Variants in NUP43 observed in about 807,000 individuals in gnomAD.
NUP43 encodes the protein nucleoporin 43.
A neutral mutation model predicts 47.3 loss-of-function variants in NUP43; 32 were observed. That is an observed-to-expected ratio of 0.68 (90% CI 0.51 to 0.91). The LOEUF (loss-of-function observed/expected upper bound fraction) is 0.91, where lower values mean the gene tolerates loss of function less well. NUP43 is among the 40% of genes least tolerant of loss of function. The pLI, the probability that NUP43 is intolerant of heterozygous loss-of-function variation, is 0.00. For synonymous variants in NUP43, 147 were observed against 158.4 expected, an observed-to-expected ratio of 0.93 and a Z score of 0.54; for missense variants, 444 against 453.9, an observed-to-expected ratio of 0.98 and a Z score of 0.20.
rs1784716291 is a variant in NUP43 at position 149,724,339 on chromosome 6, A to C, written c.*2630T>G. 7.6e-6 allele frequency: 1 copy of C among 132,100 alleles called. No individual in the cohort carries two copies. The highest frequency in any genetic ancestry group is 2.4e-4 in the South Asian group (1 of 4,174). 8.2% of individuals were successfully genotyped at this position (132,100 alleles called of 1,614,324 possible). On this transcript the variant is annotated 3_prime_UTR_variant, in exon 8 of 8. Coordinates refer to ENST00000340413, the MANE Select transcript of NUP43 (RefSeq NM_198887.3). Reference sequence around the variant, plus strand: ...ATTTCAGTTCAGTATATGAAAATTCATTTATTTAGTGAAACCCTGACATTA... The same window carrying C: ...ATTTCAGTTCAGTATATGAAAATTCCTTTATTTAGTGAAACCCTGACATTA...
In NUP43 at chr6:149,731,700, G is replaced by T. The variant is rs1380162427; in HGVS notation, c.826C>A (p.His276Asn). The T allele has an allele frequency of 1.9e-6, 3 of 1,613,702 alleles. 1 individual carries two copies. Among genetic ancestry groups the T allele is most frequent in the South Asian group, 2.2e-5 (2 of 91,086 alleles). ...CCATCTTCAGAGCAGGTAAAAAGAT[G>T]TTCTGGGTTGGATGGGTGAAAGTGA... ...EVHFHPSNPEHLFTCSEDGSL... is the reference protein window; with the variant it reads ...EVHFHPSNPENLFTCSEDGSL... The change falls in exon 7 of 8, where the codon CAT (histidine) becomes AAT (asparagine). Residue 276 changes from histidine to asparagine, a missense_variant. Physicochemically the swap from His to Asn is moderately conservative, Grantham distance 68 (BLOSUM62 1). Coordinates refer to ENST00000340413, the MANE Select transcript of NUP43 (RefSeq NM_198887.3).
intron 3 of NUP43, among the ~76,000 whole-genome samples, chr6:149,743,404 T>C (rs1010993296): frequency 1.3e-5 from 2 of 151,676 alleles, no homozygotes; most frequent in Admixed American, 6.6e-5. Flanking sequence ...GAGATCAGCC[T>C]GACCAACATG....
intron 7 of NUP43, chr6:149,727,609 A>T (rs1368971887): frequency 1.2e-6 from 1 of 810,028 alleles, no homozygotes; most frequent in Non-Finnish European, 1.5e-6. Flanking sequence ...ATCATGAGAA[A>T]GAATTTCTAG....
At chr6:149,745,434 C>T (rs1252623216) in intron 2 of NUP43, among the ~76,000 whole-genome samples, 1 of 151,272 alleles carries the variant, frequency 6.6e-6, no homozygotes, top group African/African-American at 2.4e-5. Flanking sequence ...TCAATTTCAT[C>T]CCCACCACTC....
At position 149,724,872 on chromosome 6, in the gene NUP43, AGCC is replaced by A. The variant is rs1465915751; in HGVS notation, c.*2094_*2096del. 2.0e-5 allele frequency: 3 copies of A among 152,114 alleles called. No homozygotes were observed. Among genetic ancestry groups the A allele is most frequent in the Non-Finnish European group, 4.4e-5 (3 of 68,032 alleles). The allele number at this position is 152,114 out of a possible 1,614,324, so 9.4% of individuals were successfully genotyped here. A position where few individuals can be genotyped will look rare whatever the true frequency, so the allele number is the denominator to read the frequency against. ...CCAAAGTGCTAGCATTACAGGCGTG[AGCC>A]ACCATGCCTGGCCACCATATGTTTT... On this transcript the variant is annotated 3_prime_UTR_variant, in exon 8 of 8. Coordinates refer to ENST00000340413, the MANE Select transcript of NUP43 (RefSeq NM_198887.3).
At chr6:149,741,750 C>G (rs964267700) in intron 4 of NUP43, among the ~76,000 whole-genome samples, 3 of 152,168 alleles carry the variant, frequency 2.0e-5, no homozygotes, top group Non-Finnish European at 4.4e-5. Context: ...TGTGATCCGC[C>G]TGCATCACCC....
At chr6:149,741,153 G>A (rs150168865) in intron 4 of NUP43, among the ~76,000 whole-genome samples, 285 of 151,928 alleles carry the variant, frequency 1.9e-3, no homozygotes, top group African/African-American at 6.8e-3. Context: ...GCCTTGCGTT[G>A]TGTGTGCACA....
chr6:149,744,477 C>G (rs948204248), intron 2 of NUP43, among the ~76,000 whole-genome samples: 1 of 149,102 alleles, frequency 6.7e-6, no homozygotes, highest in Non-Finnish European at 1.5e-5. Context: ...GAGCCGAGAT[C>G]GAGCCACTGC....
At position 149,736,589 on chromosome 6, in the gene NUP43, A is replaced by G. The variant is rs1163510239; in HGVS notation, c.672T>C (p.Asp224=). The G allele has an allele frequency of 3.7e-6, 6 of 1,607,660 alleles. No individual in the cohort carries two copies. The highest frequency in any genetic ancestry group is 2.7e-5 in the African/African-American group (2 of 74,882). The part of the protein sequence containing the change: ...TGDRVPLHCV[D]RHPNQQHVVA... ...CAACATGCTGTTGGTTGGGATGTCT[A>G]TCAACACAGTGGAGTGGCACTCGGT... Residue 224 remains aspartate (D), a synonymous_variant, in exon 6 of 8, where the codon GAT becomes GAC. Coordinates refer to ENST00000340413, the MANE Select transcript of NUP43 (RefSeq NM_198887.3).
chr6:149,735,795 CA>C (rs1344184899), intron 6 of NUP43, among the ~76,000 whole-genome samples: 31 of 133,484 alleles, frequency 2.3e-4, no homozygotes, highest in Admixed American at 2.3e-4. Context: ...CCCATATCTA[CA>C]AAAAAAAAAA....
chr6:149,745,175 C>G (rs981816188), intron 2 of NUP43, among the ~76,000 whole-genome samples: 1 of 151,890 alleles, frequency 6.6e-6, no homozygotes, highest in African/African-American at 2.4e-5. Context: ...CCGAGGCAGG[C>G]AAATCACCAG....
chr6:149,743,892 G>A (rs1785811156), intron 2 of NUP43, among the ~76,000 whole-genome samples, 177 bp from the exon 3 acceptor site: 1 of 152,190 alleles, frequency 6.6e-6, no homozygotes, highest in Admixed American at 6.5e-5. Flanking sequence ...GCCATACAAA[G>A]TATTTTCATG....
intron 4 of NUP43, among the ~76,000 whole-genome samples, chr6:149,741,970 T>G (rs1031477001): frequency 6.6e-6 from 1 of 152,142 alleles, no homozygotes; most frequent in African/African-American, 2.4e-5. Context: ...GCGATTCTCC[T>G]GCCTCAGCCT....
At chr6:149,743,830 G>A in intron 2 of NUP43, 115 bp from the exon 3 acceptor site, 1 of 500,064 alleles carries the variant, frequency 2.0e-6, no homozygotes, top group African/African-American at 7.7e-5. Context: ...AAAGCAAAGA[G>A]CCATGAGTGC....
Position 149,746,455 on chromosome 6 carries a change from C to A in NUP43, c.41G>T (p.Ser14Ile). Residue 14 changes from serine (S) to isoleucine (I), a missense_variant, in exon 1 of 8, where the codon AGC (serine) becomes ATC (isoleucine). Coordinates refer to ENST00000340413, the MANE Select transcript of NUP43 (RefSeq NM_198887.3). ...AGGCAGCGGTCGCCAGCGGGTTTTG[C>A]TGATTTTCTGGGACACAAACTTCGC... ...IYAKFVSQKI[S>I]KTRWRPLPPG... is the part of the protein sequence containing the mutation. 1.2e-6 allele frequency: 2 copies of A among 1,614,176 alleles called. No individual in the cohort carries two copies. Among genetic ancestry groups the A allele is most frequent in the Non-Finnish European group, 1.7e-6 (2 of 1,180,036 alleles).
At chr6:149,743,294 T>C (rs1362517282) in intron 3 of NUP43, among the ~76,000 whole-genome samples, 4 of 151,956 alleles carry the variant, frequency 2.6e-5, no homozygotes, top group African/African-American at 7.2e-5. Context: ...TAACTAGGCA[T>C]GTCTATTAGA....
In NUP43 at chr6:149,743,541, G is replaced by C. The variant is rs535574463; in HGVS notation, c.321+97C>G. ...ACTCAGAAGGTGGAGGCTGCGGTGA[G>C]CCGAGACTGCGCCACTGCACTCCAG... On this transcript the variant is annotated intron_variant, in intron 3 of 7. Transcript: ENST00000340413. 1.0e-5 allele frequency: 7 copies of C among 698,544 alleles called. No homozygotes were observed. The East Asian group carries it at 1.9e-4, about 19-fold the overall frequency. The allele number at this position is 698,544 out of a possible 1,614,324, so 43.3% of individuals were successfully genotyped here. A position where few individuals can be genotyped will look rare whatever the true frequency, so the allele number is the denominator to read the frequency against.
At chr6:149,735,990 A>C (rs1023024587) in intron 6 of NUP43, among the ~76,000 whole-genome samples, 2 of 150,650 alleles carry the variant, frequency 1.3e-5, no homozygotes, top group Non-Finnish European at 3.0e-5. Context: ...AAAAAAAAAA[A>C]AAAAAAACCA....
chr6:149,732,597 C>T (rs1342022955), intron 6 of NUP43, among the ~76,000 whole-genome samples: 3 of 149,376 alleles, frequency 2.0e-5, no homozygotes, highest in Admixed American at 6.7e-5. Context: ...TGTAATCCTA[C>T]CACTTTGGGA....
Sources: gnomAD v4.1 joint callset for allele counts (sites outside exome capture counted in the v4.1 genomes callset) on GRCh38, gnomAD v4.1.1 for gene constraint, MANE v1.5 for transcripts, NCBI Gene and HGNC (gene_info 2026-07-23, HGNC 2026-07-21) for gene names.